RADIL: variants seen among roughly 807,000 people sequenced by gnomAD.
RADIL encodes the protein Rap associating with DIL domain, also known as ras-associating and dilute domain-containing protein.
A neutral mutation model predicts 97.6 loss-of-function variants in RADIL; 99 were observed. The ratio of observed to expected loss-of-function variants is 1.01; its 90% CI spans 0.86 to 1.20. The LOEUF (loss-of-function observed/expected upper bound fraction) is 1.20. Ranked by LOEUF, RADIL falls within the 50% of genes most tolerant of loss-of-function variation. RADIL has a pLI of 0.00. For synonymous variants in RADIL, 803 were observed against 691.8 expected, an observed-to-expected ratio of 1.16 and a Z score of -2.52; for missense variants, 1,765 against 1,498.9, an observed-to-expected ratio of 1.18 and a Z score of -2.93.
At chr7:4,836,709 G>A in intron 2 of RADIL, 104 bp from the exon 3 acceptor site, 2 of 1,474,338 alleles carry the variant, frequency 1.4e-6, no homozygotes, top group Non-Finnish European at 1.8e-6. Context: ...AGGCCGAGGT[G>A]GGGGGATCGC....
At chr7:4,827,460 G>A (rs1162298907) in intron 5 of RADIL, among the ~76,000 whole-genome samples, 2 of 150,962 alleles carry the variant, frequency 1.3e-5, no homozygotes, top group Non-Finnish European at 2.9e-5. Context: ...AGGCGATCAA[G>A]ACCATCCTGG....
intron 2 of RADIL, among the ~76,000 whole-genome samples, chr7:4,855,022 T>C (rs1783793511): frequency 6.6e-6 from 1 of 152,190 alleles, no homozygotes; most frequent in South Asian, 2.1e-4. Context: ...TTTGAAACCT[T>C]ATGTAAATGG....
intron 10 of RADIL, chr7:4,805,350 G>A: frequency 2.0e-6 from 1 of 496,314 alleles, no homozygotes; most frequent in African/African-American, 1.9e-5. Flanking sequence ...TGGACTCTCG[G>A]CTCCTTGACT....
In RADIL at chr7:4,880,148, G is replaced by T. The variant is rs376146508; in HGVS notation, c.-64-1945C>A. ...AGGTGAATTTGCTGTAACAGGTCAC[G>T]GAGTTCCCAGTACAGGTCATAAGCA... On this transcript the variant is annotated intron_variant, in intron 1 of 14. Coordinates refer to ENST00000399583, the MANE Select transcript of RADIL (RefSeq NM_018059.5). This position sits in a 1 kb window ranked among gnomAD's most constrained non-coding sequence, Gnocchi z 4.5. Among the ~76,000 whole-genome samples the T allele has an allele frequency of 1.3e-5, 2 of 152,100 alleles. No homozygotes were observed. The highest frequency in any genetic ancestry group is 2.4e-5 in the African/African-American group (1 of 41,412).
intron 2 of RADIL, among the ~76,000 whole-genome samples, chr7:4,866,093 G>A (rs560992198): frequency 2.4e-4 from 37 of 152,256 alleles, no homozygotes; most frequent in African/African-American, 8.2e-4. Context: ...ATGCATGACT[G>A]TATATGTTTT....
In RADIL at chr7:4,877,891, G is replaced by A. The variant is rs765786934; in HGVS notation, c.249C>T (p.Ala83=). The A allele has an allele frequency of 1.2e-6, 2 of 1,605,454 alleles. No individual in the cohort carries two copies. Residue 83 remains alanine (A), a synonymous_variant, in exon 2 of 15, where the codon GCC becomes GCT. Coordinates refer to ENST00000399583, the MANE Select transcript of RADIL (RefSeq NM_018059.5). The part of the protein sequence containing the change: ...CTGTHYKSVL[A]TGTSSARELV... ...GCTCACGGGCGCTGGAGGTGCCGGT[G>A]GCCAGGACGCTCTTGTAGTGGGTTC...
rs897745914 is a variant in RADIL, at chr7:4,840,164, C to G, written c.536-3559G>C. 2.6e-5 allele frequency among the ~76,000 whole-genome samples: 4 copies of G among 152,244 alleles called. No homozygotes were observed. The highest frequency in any genetic ancestry group is 5.9e-5 in the Non-Finnish European group (4 of 68,038). On this transcript the variant is annotated intron_variant, in intron 2 of 14. Transcript: ENST00000399583. This position sits in a 1 kb window ranked among gnomAD's most constrained non-coding sequence, Gnocchi z 5.6. Reference sequence around the variant, plus strand: ...GCTGCGGCAGATGGGACCCAGCACTCTGCTCCCAGGGGGTCGGCTGTCAGG... The same window carrying G: ...GCTGCGGCAGATGGGACCCAGCACTGTGCTCCCAGGGGGTCGGCTGTCAGG...
intron 5 of RADIL, among the ~76,000 whole-genome samples, chr7:4,831,577 C>CA (rs397889423): frequency 0.099 from 7,685 of 77,618 alleles, 673 homozygotes; most frequent in African/African-American, 0.24. Context: ...TGAAGATTCT[C>CA]AAAAAAAAAA....
At chr7:4,865,453 C>G (rs1406248322) in intron 2 of RADIL, 3 of 748,844 alleles carry the variant, frequency 4.0e-6, no homozygotes, top group Non-Finnish European at 7.4e-6. Context: ...TCCTCCTCTT[C>G]TTTGTCCTGG....
rs868488928 is a variant in RADIL at position 4,845,496 on chromosome 7, T to C, written c.536-8891A>G. ...ATCTCTAATCGATCAATAAATGAAGTAAATGAATGCATACACTAAGAAAAC... is the reference window on the plus strand; with the variant it reads ...ATCTCTAATCGATCAATAAATGAAGCAAATGAATGCATACACTAAGAAAAC... On this transcript the variant is annotated intron_variant, in intron 2 of 14. Transcript: ENST00000399583. Among the ~76,000 whole-genome samples the C allele has an allele frequency of 5.9e-5, 9 of 152,224 alleles. No individual in the cohort carries two copies. In the South Asian group the frequency reaches 1.9e-3, roughly 32 times the overall value.
rs950051984 is a variant in RADIL at position 4,842,827 on chromosome 7, TACCACTACTGGGGA to T, written c.536-6236_536-6223del. Among the ~76,000 whole-genome samples the T allele has an allele frequency of 6.6e-5, 10 of 151,974 alleles. No homozygotes were observed. The highest frequency in any genetic ancestry group is 1.2e-4 in the Non-Finnish European group (8 of 67,982). ...GAAACGTTCCTGGGCTGGGGAACTT[TACCACTACTGGGGA>T]ACCGGAGACCATTGTACTTATTTGC... On this transcript the variant is annotated intron_variant, in intron 2 of 14. Coordinates refer to ENST00000399583, the MANE Select transcript of RADIL (RefSeq NM_018059.5). This position sits in a 1 kb window ranked among gnomAD's most constrained non-coding sequence, Gnocchi z 4.5.
chr7:4,866,141 C>T (rs911515543), intron 2 of RADIL, among the ~76,000 whole-genome samples: 2 of 152,092 alleles, frequency 1.3e-5, no homozygotes, highest in South Asian at 2.1e-4. Context: ...TGTGCATGTG[C>T]GTGTGCATGT....
At chr7:4,875,078 G>A (rs1784340650) in intron 2 of RADIL, among the ~76,000 whole-genome samples, 1 of 142,700 alleles carries the variant, frequency 7.0e-6, no homozygotes, top group African/African-American at 3.1e-5. Context: ...TGTAGTCCCA[G>A]CTACTCGGGA....
intron 12 of RADIL, among the ~76,000 whole-genome samples, chr7:4,801,123 CAG>C (rs1427346091): frequency 1.3e-5 from 2 of 151,952 alleles, no homozygotes; most frequent in Non-Finnish European, 2.9e-5. Flanking sequence ...GCACACCATG[CAG>C]ACACACCCAT....
rs1441220259 is a variant in RADIL at position 4,815,870 on chromosome 7, T to C, written c.1966+358A>G. Among the ~76,000 whole-genome samples the C allele has an allele frequency of 6.6e-6, 1 of 151,836 alleles. No individual in the cohort carries two copies. The highest frequency in any genetic ancestry group is 1.9e-4 in the East Asian group (1 of 5,158). On this transcript the variant is annotated intron_variant, in intron 8 of 14. Transcript: ENST00000399583. The surrounding 1 kb of genome is among the most constrained non-coding windows in gnomAD (Gnocchi z 8.0). The stretch of plus-strand genomic sequence containing the variant: ...CACAAGGCAGGGTCCAAGGCCAGAG[T>C]CCGCGGCTGCACAGACCTGGGTTCC...
rs1782091246 is a variant in RADIL at position 4,801,696 on chromosome 7, C to A, written c.2799G>T (p.Arg933Ser). 1 of 1,609,280 alleles carries A rather than the reference C, an allele frequency of 6.2e-7. No individual in the cohort carries two copies. The highest frequency in any genetic ancestry group is 8.5e-7 in the Non-Finnish European group (1 of 1,178,624). The stretch of plus-strand genomic sequence containing the variant: ...GGAGGCCGCTGAGTCCGTTCCTCTG[C>A]CTCTCTGGGAGCGCTTTTCCACAGG... ...GGPCGKALPE[R>S]QRNGLSGLRG... The change falls in exon 12 of 15, where the codon AGG (arginine) becomes AGT (serine). Residue 933 changes from arginine to serine, a missense_variant. Transcript: ENST00000399583.
chr7:4,819,285 T>C lies in RADIL; in HGVS notation c.1616-1934A>G, dbSNP rs1286587359. On this transcript the variant is annotated intron_variant, in intron 6 of 14. Coordinates refer to ENST00000399583, the MANE Select transcript of RADIL (RefSeq NM_018059.5). This position sits in a 1 kb window ranked among gnomAD's most constrained non-coding sequence, Gnocchi z 5.8. ...CGGGGTTTCACCATGTTGGCCAGGCTGGTCTCAAACTCCTGACCTCATGTG... is the reference window on the plus strand; with the variant it reads ...CGGGGTTTCACCATGTTGGCCAGGCCGGTCTCAAACTCCTGACCTCATGTG... Among the ~76,000 whole-genome samples the C allele has an allele frequency of 6.6e-6, 1 of 151,946 alleles. No homozygotes were observed. The highest frequency in any genetic ancestry group is 1.9e-4 in the East Asian group (1 of 5,158).
At position 4,820,036 on chromosome 7, in the gene RADIL, C is replaced by T. The variant is rs570096998; in HGVS notation, c.1615+2358G>A. Among the ~76,000 whole-genome samples the T allele has an allele frequency of 2.0e-3, 304 of 152,320 alleles. 2 individuals carry two copies. Among genetic ancestry groups the T allele is most frequent in the African/African-American group, 6.3e-3 (260 of 41,580 alleles). On this transcript the variant is annotated intron_variant, in intron 6 of 14. Transcript: ENST00000399583. ...CCACGAAGCCACGTGGAAAGTCAGC[C>T]GGGGACTCTCCAGGAACACAGAGCC...
chr7:4,836,603 T>C lies in RADIL; in HGVS notation c.538A>G (p.Ile180Val). The C allele has an allele frequency of 6.2e-7, 1 of 1,606,576 alleles. No individual in the cohort carries two copies. Among genetic ancestry groups the C allele is most frequent in the South Asian group, 1.1e-5 (1 of 91,056 alleles). The change falls in exon 3 of 15, where the codon ATA becomes GTA. Residue 180 changes from isoleucine (I) to valine (V), a missense_variant and splice_region_variant. Physicochemically the swap from Ile to Val is conservative, Grantham distance 29. Transcript: ENST00000399583. ...TGCAGCCTCCGGGCCTGGGCGTTTATCCCTGGAACAGAAGCAACACAAGGT... is the reference window on the plus strand; with the variant it reads ...TGCAGCCTCCGGGCCTGGGCGTTTACCCCTGGAACAGAAGCAACACAAGGT... ...AKEVDTITAGINAQARRLQRS... is the reference protein window; with the variant it reads ...AKEVDTITAGVNAQARRLQRS...
Sources: allele counts gnomAD v4.1 joint callset (sites outside exome capture counted in the v4.1 genomes callset), GRCh38; gene constraint gnomAD v4.1.1; non-coding constraint Gnocchi (gnomAD v3.1); transcripts MANE v1.5; gene names NCBI Gene and HGNC (gene_info 2026-07-23, HGNC 2026-07-21).